The following SMOC1 variants were observed in gnomAD, a reference collection of about 807,000 sequenced individuals.
SMOC1 encodes the protein SPARC related modular calcium binding 1, also known as SPARC-related modular calcium-binding protein 1.
Under a neutral mutation model 56.3 loss-of-function variants are expected in SMOC1, and 22 were observed. The observed-to-expected ratio is 0.39, with a 90% CI of 0.28 to 0.56. The LOEUF is 0.56. SMOC1 is among the 20% of genes least tolerant of loss of function. SMOC1 has a pLI of 0.61. For synonymous variants in SMOC1, 193 were observed against 215.0 expected, an observed-to-expected ratio of 0.90 and a Z score of 0.89; for missense variants, 509 against 565.4, an observed-to-expected ratio of 0.90 and a Z score of 1.01.
At chr14:69,947,607 C>T (rs1882835546) in intron 1 of SMOC1, among the ~76,000 whole-genome samples, 1 of 152,114 alleles carries the variant, frequency 6.6e-6, no homozygotes, top group African/African-American at 2.4e-5. Context: ...CAGTCTTCAC[C>T]TGGCTCAACT....
intron 3 of SMOC1, among the ~76,000 whole-genome samples, chr14:69,960,401 G>A (rs1415200660): frequency 3.3e-5 from 5 of 152,102 alleles, no homozygotes; most frequent in African/African-American, 1.2e-4. Context: ...AGAAAAAGTG[G>A]GCTCTGTGTG....
chr14:69,983,609 G>A (rs889507480), intron 5 of SMOC1, among the ~76,000 whole-genome samples: 2 of 152,212 alleles, frequency 1.3e-5, no homozygotes, highest in Admixed American at 6.5e-5. Context: ...AGCCTCTAAG[G>A]AAAGCCCCTT....
At chr14:69,925,630 C>G (rs1884989454) in intron 1 of SMOC1, among the ~76,000 whole-genome samples, 1 of 152,156 alleles carries the variant, frequency 6.6e-6, no homozygotes, top group South Asian at 2.1e-4. Flanking sequence ...CTCCCTGTGT[C>G]TCCGTCTCCG....
chr14:70,001,171 G>GT (rs1473245564), intron 7 of SMOC1, among the ~76,000 whole-genome samples: 1 of 152,092 alleles, frequency 6.6e-6, no homozygotes, highest in East Asian at 1.9e-4. Flanking sequence ...TTGTTTAATT[G>GT]TAAGACTGTG....
At chr14:69,949,583 C>T (rs928121082) in intron 1 of SMOC1, among the ~76,000 whole-genome samples, 2 of 152,294 alleles carry the variant, frequency 1.3e-5, no homozygotes, top group East Asian at 1.9e-4. Flanking sequence ...TTGTCCTCAC[C>T]TGGGAGAGTC....
chr14:69,884,135 C>T (rs1379285132), intron 1 of SMOC1, among the ~76,000 whole-genome samples: 8 of 150,914 alleles, frequency 5.3e-5, no homozygotes, highest in African/African-American at 1.2e-4. Flanking sequence ...CTCGATCTCC[C>T]GACCTCATGA....
chr14:69,939,079 G>A (rs188197980), intron 1 of SMOC1, among the ~76,000 whole-genome samples: 5 of 152,252 alleles, frequency 3.3e-5, no homozygotes, highest in Admixed American at 6.5e-5. Context: ...CAAACTCTCC[G>A]TCGGACTCTG....
chr14:70,001,492 G>A (rs1165959863), intron 7 of SMOC1, among the ~76,000 whole-genome samples: 1 of 152,182 alleles, frequency 6.6e-6, no homozygotes, highest in Non-Finnish European at 1.5e-5. Flanking sequence ...ATTATAAAAA[G>A]CAGATAGACT....
Position 69,947,087 on chromosome 14 carries a change from G to GCCTTCCTTCCTTCCTTCCTT in SMOC1, c.100-5028_100-5009dup, listed in dbSNP as rs35916933. 2.3e-3 allele frequency among the ~76,000 whole-genome samples: 337 copies of GCCTTCCTTCCTTCCTTCCTT among 143,472 alleles called. 1 individual carries two copies. Among genetic ancestry groups the GCCTTCCTTCCTTCCTTCCTT allele is most frequent in the African/African-American group, 2.5e-3 (94 of 38,260 alleles). 94.1% of individuals were successfully genotyped at this position (143,472 alleles called of 152,430 possible). ...TTATAAATTACCCAGTCTCAGGCCGGCCTTCCTTCCTTCCTTCCTTCCTTC... is the reference window on the plus strand; with the variant it reads ...TTATAAATTACCCAGTCTCAGGCCGGCCTTCCTTCCTTCCTTCCTTCCTTCCTTCCTTCCTTCCTTCCTTC... On this transcript the variant is annotated intron_variant, in intron 1 of 11. Coordinates refer to ENST00000361956, the MANE Select transcript of SMOC1 (RefSeq NM_001034852.3).
intron 5 of SMOC1, among the ~76,000 whole-genome samples, chr14:69,985,062 AG>A (rs1186500927): frequency 6.6e-6 from 1 of 152,066 alleles, no homozygotes; most frequent in East Asian, 1.9e-4. Context: ...AAGAAAAGAA[AG>A]AAATTGGCCA....
intron 7 of SMOC1, among the ~76,000 whole-genome samples, chr14:70,005,471 T>G (rs1375802768): frequency 6.6e-6 from 1 of 152,216 alleles, no homozygotes. Flanking sequence ...TCCTGTCTCC[T>G]GCCCTGCCCA....
At chr14:69,888,630 A>G (rs922796468) in intron 1 of SMOC1, among the ~76,000 whole-genome samples, 14 of 152,150 alleles carry the variant, frequency 9.2e-5, no homozygotes, top group African/African-American at 3.1e-4. Flanking sequence ...TCTATTTTAC[A>G]CTACGGTGTT....
intron 2 of SMOC1, 129 bp from the exon 3 acceptor site, chr14:69,953,291 A>T: frequency 1.2e-6 from 1 of 802,744 alleles, no homozygotes; most frequent in Non-Finnish European, 2.2e-6. Context: ...CGGCCCTTTT[A>T]GGGTTGGACA....
At chr14:69,890,572 C>T (rs1223649264) in intron 1 of SMOC1, among the ~76,000 whole-genome samples, 1 of 152,156 alleles carries the variant, frequency 6.6e-6, no homozygotes, top group Non-Finnish European at 1.5e-5. Context: ...GCCCCCTAAA[C>T]CTGCCTCAGC....
chr14:69,883,889 A>T (rs1419268378), intron 1 of SMOC1, among the ~76,000 whole-genome samples: 135 of 66,574 alleles, frequency 2.0e-3, no homozygotes, highest in African/African-American at 3.0e-3. Flanking sequence ...GATGTTGAGC[A>T]TTTTTTTTTT....
chr14:69,916,589 C>T (rs1042924571), intron 1 of SMOC1, among the ~76,000 whole-genome samples: 2 of 152,226 alleles, frequency 1.3e-5, no homozygotes, highest in African/African-American at 2.4e-5. Context: ...CTTTGCTGTT[C>T]CCTGAGCACT....
At chr14:69,974,337 A>G (rs910453042) in intron 3 of SMOC1, among the ~76,000 whole-genome samples, 2 of 152,092 alleles carry the variant, frequency 1.3e-5, no homozygotes, top group East Asian at 3.9e-4. Context: ...GAGGAGGGGA[A>G]TACGAGGGAT....
chr14:69,961,646 G>T (rs1883384582), intron 3 of SMOC1, among the ~76,000 whole-genome samples: 1 of 152,092 alleles, frequency 6.6e-6, no homozygotes, highest in Admixed American at 6.6e-5. Context: ...CCTCCCAAAG[G>T]ATTACAGGTG....
intron 5 of SMOC1, among the ~76,000 whole-genome samples, chr14:69,991,402 T>G (rs1416406771): frequency 2.0e-5 from 3 of 152,192 alleles, no homozygotes; most frequent in Non-Finnish European, 4.4e-5. Flanking sequence ...ATATATATAC[T>G]GTTTCTTTGC....
Sources: allele counts gnomAD v4.1 joint callset (sites outside exome capture counted in the v4.1 genomes callset), GRCh38; gene constraint gnomAD v4.1.1; transcripts MANE v1.5; gene names NCBI Gene and HGNC (gene_info 2026-07-23, HGNC 2026-07-21).